The following DIP2C variants were observed in gnomAD, a reference collection of about 807,000 sequenced individuals.
The protein encoded by DIP2C is disco-interacting protein 2 homolog C.
A neutral mutation model predicts 192.4 loss-of-function variants in DIP2C; 33 were observed. The ratio of observed to expected loss-of-function variants is 0.17; its 90% CI spans 0.13 to 0.23. The LOEUF (loss-of-function observed/expected upper bound fraction) is 0.23, where lower values mean the gene tolerates loss of function less well. DIP2C is among the 10% of genes least tolerant of loss of function. The probability of loss-of-function intolerance (pLI) is 1.00; values close to 1 mark genes in which losing one functional copy is unlikely to be tolerated. For missense variants in DIP2C, 1,537 were observed against 2,110.1 expected, an observed-to-expected ratio of 0.73 and a Z score of 5.32; for synonymous variants, 979 against 864.1, an observed-to-expected ratio of 1.13 and a Z score of -2.33.
At chr10:407,970 G>A (rs1228831507) in intron 9 of DIP2C, among the ~76,000 whole-genome samples, 1 of 152,026 alleles carries the variant, frequency 6.6e-6, no homozygotes, top group Non-Finnish European at 1.5e-5. Flanking sequence ...CTGTGGTTCG[G>A]GTGCCACATC....
chr10:554,702 GCA>G (rs536503522), intron 1 of DIP2C, among the ~76,000 whole-genome samples: 8 of 152,290 alleles, frequency 5.3e-5, no homozygotes, highest in East Asian at 3.9e-4. Context: ...AGGACACCGC[GCA>G]CAGATTCTGC....
At chr10:476,203 T>C (rs1843017697) in intron 2 of DIP2C, among the ~76,000 whole-genome samples, 1 of 152,138 alleles carries the variant, frequency 6.6e-6, no homozygotes, top group Admixed American at 6.5e-5. Flanking sequence ...GAGCAAGGTC[T>C]CTTGAGGCAA....
chr10:590,750 C>T (rs1588539296), intron 1 of DIP2C, among the ~76,000 whole-genome samples: 1 of 152,188 alleles, frequency 6.6e-6, no homozygotes, highest in Non-Finnish European at 1.5e-5. Context: ...ATAGAAGGAA[C>T]CCAGAAACGC....
intron 17 of DIP2C, among the ~76,000 whole-genome samples, chr10:379,345 T>C (rs1962107729): frequency 6.6e-6 from 1 of 152,076 alleles, no homozygotes; most frequent in Non-Finnish European, 1.5e-5. Context: ...TACTGGAGGT[T>C]CCATTGATCC....
At chr10:570,968 A>T (rs1255387825) in intron 1 of DIP2C, among the ~76,000 whole-genome samples, 1 of 152,092 alleles carries the variant, frequency 6.6e-6, no homozygotes, top group African/African-American at 2.4e-5. Flanking sequence ...CACGACTCCC[A>T]CCGGAGCCCC....
At chr10:637,652 G>A (rs1435996366) in intron 1 of DIP2C, among the ~76,000 whole-genome samples, 3 of 152,304 alleles carry the variant, frequency 2.0e-5, no homozygotes, top group South Asian at 2.1e-4. Context: ...GATTCCAATT[G>A]TGAATCTTGG....
At chr10:601,650 G>A (rs879945520) in intron 1 of DIP2C, among the ~76,000 whole-genome samples, 2 of 152,206 alleles carry the variant, frequency 1.3e-5, no homozygotes, top group Admixed American at 6.5e-5. Flanking sequence ...AGTCTACCCC[G>A]TAAGCAGAAC....
chr10:597,366 G>A (rs1298925947), intron 1 of DIP2C, among the ~76,000 whole-genome samples: 2 of 151,816 alleles, frequency 1.3e-5, no homozygotes, highest in African/African-American at 4.9e-5. Context: ...ACACCGGGCT[G>A]GCTCTGTCTC....
intron 4 of DIP2C, among the ~76,000 whole-genome samples, chr10:435,228 T>A (rs1405802468): frequency 6.6e-6 from 1 of 152,196 alleles, no homozygotes; most frequent in Non-Finnish European, 1.5e-5. Flanking sequence ...TATTTCCTTT[T>A]CCCCAGGCCG....
intron 10 of DIP2C, among the ~76,000 whole-genome samples, chr10:393,792 A>AAG (rs1554841489): frequency 7.4e-5 from 10 of 135,040 alleles, no homozygotes; most frequent in East Asian, 2.0e-4. Flanking sequence ...AAAAAAAAAA[A>AAG]AAAAGAAAAA....
At chr10:450,796 G>A (rs968451953) in intron 3 of DIP2C, among the ~76,000 whole-genome samples, 8 of 152,114 alleles carry the variant, frequency 5.3e-5, no homozygotes, top group Non-Finnish European at 8.8e-5. Context: ...GACTGGTCTG[G>A]AACAATGAAA....
chr10:347,441 G>A (rs373860417), intron 26 of DIP2C, among the ~76,000 whole-genome samples: 38 of 107,120 alleles, frequency 3.5e-4, no homozygotes, highest in South Asian at 6.6e-4. Flanking sequence ...AACGTCACAC[G>A]CACCCAGACA....
At chr10:486,852 G>A (rs565635246) in intron 1 of DIP2C, among the ~76,000 whole-genome samples, 3 of 152,320 alleles carry the variant, frequency 2.0e-5, no homozygotes, top group African/African-American at 7.2e-5. Flanking sequence ...CCTGGTGGCC[G>A]GGGCTCTCGT....
At chr10:501,814 C>G (rs1425343296) in intron 1 of DIP2C, among the ~76,000 whole-genome samples, 1 of 152,118 alleles carries the variant, frequency 6.6e-6, no homozygotes, top group East Asian at 1.9e-4. Flanking sequence ...TTGGCAATAT[C>G]AGAACACAAA....
At chr10:622,286 G>A (rs1221496852) in intron 1 of DIP2C, among the ~76,000 whole-genome samples, 2 of 100,714 alleles carry the variant, frequency 2.0e-5, no homozygotes, top group African/African-American at 3.9e-5. Context: ...AGGGAGGAGG[G>A]GGAGGGAGGG....
At chr10:618,658 T>A (rs1853633675) in intron 1 of DIP2C, among the ~76,000 whole-genome samples, 1 of 152,332 alleles carries the variant, frequency 6.6e-6, no homozygotes, top group African/African-American at 2.4e-5. Flanking sequence ...GCAACAAAGT[T>A]AAAAGACTAT....
At chr10:502,540 C>T (rs1056988738) in intron 1 of DIP2C, among the ~76,000 whole-genome samples, 2 of 151,950 alleles carry the variant, frequency 1.3e-5, no homozygotes, top group Non-Finnish European at 2.9e-5. Flanking sequence ...ATCAAAGAAA[C>T]TGAAAACAGA....
Position 547,608 on chromosome 10 carries a change from T to TTA in DIP2C, c.86-61080_86-61079dup, listed in dbSNP as rs373028982. On this transcript the variant is annotated intron_variant, in intron 1 of 36. Transcript: ENST00000280886. Reference sequence around the variant, plus strand: ...CAGTCTCTGTCATGAGCTTTAGCATTTACAAGGCTTGCTGAAGATTATCCG... The same window carrying TTA: ...CAGTCTCTGTCATGAGCTTTAGCATTTATACAAGGCTTGCTGAAGATTATCCG... Among the ~76,000 whole-genome samples, 819 of 152,224 alleles carry TTA rather than the reference T, an allele frequency of 5.4e-3. 9 individuals are homozygous for TTA. Among genetic ancestry groups the TTA allele is most frequent in the African/African-American group, 0.019 (768 of 41,500 alleles).
chr10:582,918 A>G (rs1047596289), intron 1 of DIP2C, among the ~76,000 whole-genome samples: 11 of 152,228 alleles, frequency 7.2e-5, no homozygotes, highest in African/African-American at 2.7e-4. Context: ...TTTTCAAATA[A>G]AATTTCTGAT....
Sources: allele counts gnomAD v4.1 joint callset (sites outside exome capture counted in the v4.1 genomes callset), GRCh38; gene constraint gnomAD v4.1.1; transcripts MANE v1.5; gene names NCBI Gene and HGNC (gene_info 2026-07-23, HGNC 2026-07-21).